The following DIS3L2 variants were observed in gnomAD, a reference collection of about 807,000 sequenced individuals.
The protein encoded by DIS3L2 is DIS3-like exonuclease 2.
DIS3L2 carries 34 observed loss-of-function variants against 97.5 expected under a neutral mutation model. That is an observed-to-expected ratio of 0.35 (90% CI 0.27 to 0.46). The LOEUF is 0.46. Among genes scored for constraint, DIS3L2 ranks in the 20% least tolerant of loss-of-function variants. The pLI is 1.00. For synonymous variants in DIS3L2, 435 were observed against 445.2 expected (o/e 0.98, Z 0.29); for missense variants, 1,038 against 1,146.0 (o/e 0.91, Z 1.36).
At chr2:232,084,266 C>T (rs935219571) in intron 5 of DIS3L2, among the ~76,000 whole-genome samples, 1 of 152,024 alleles carries the variant, frequency 6.6e-6, no homozygotes, top group Non-Finnish European at 1.5e-5. Context: ...GCTGTGTATT[C>T]CTTATCCAGA....
intron 14 of DIS3L2, among the ~76,000 whole-genome samples, chr2:232,302,553 CTTCTT>C (rs544445249): frequency 9.3e-4 from 130 of 140,008 alleles, no homozygotes; most frequent in Non-Finnish European, 1.6e-3. Flanking sequence ...TTTTCTTCTT[CTTCTT>C]TTTTTTTTTT....
chr2:232,225,462 A>T (rs962772787), intron 10 of DIS3L2, among the ~76,000 whole-genome samples: 6 of 152,238 alleles, frequency 3.9e-5, no homozygotes, highest in Non-Finnish European at 8.8e-5. Context: ...AATAAGCCAG[A>T]CAAAAAATAG....
intron 13 of DIS3L2, among the ~76,000 whole-genome samples, chr2:232,289,970 C>T (rs1350077247): frequency 6.6e-6 from 1 of 152,254 alleles, no homozygotes; most frequent in Non-Finnish European, 1.5e-5. Flanking sequence ...CCCAGGTGCA[C>T]AACCATCTCT....
chr2:232,047,537 T>G (rs1370033947), intron 5 of DIS3L2, among the ~76,000 whole-genome samples: 1 of 152,226 alleles, frequency 6.6e-6, no homozygotes, highest in African/African-American at 2.4e-5. Context: ...ATGCCAAAAA[T>G]GATTAAAATT....
At chr2:232,028,613 C>T (rs943784220) in intron 4 of DIS3L2, among the ~76,000 whole-genome samples, 4 of 152,124 alleles carry the variant, frequency 2.6e-5, no homozygotes, top group South Asian at 4.1e-4. Flanking sequence ...ATGTTTGACA[C>T]GTGAGTATGG....
rs1314814594 is a variant in DIS3L2 at position 232,336,452 on chromosome 2, G to A, written c.2497-17G>A. ...GGCCCTGCCATCCTTGTCCCCTCAC[G>A]GCTGGGCTCTGCACAGGTCATCACC... is the stretch of plus-strand genomic sequence containing the variant. On this transcript the variant is annotated splice_polypyrimidine_tract_variant and intron_variant, in intron 20 of 20. Transcript: ENST00000325385. 5.0e-6 allele frequency: 8 copies of A among 1,604,720 alleles called. No homozygotes were observed. The highest frequency in any genetic ancestry group is 3.4e-5 in the Admixed American group (2 of 59,114).
intron 4 of DIS3L2, among the ~76,000 whole-genome samples, chr2:232,025,738 A>G (rs1253946190): frequency 1.3e-5 from 2 of 152,190 alleles, no homozygotes; most frequent in Non-Finnish European, 2.9e-5. Context: ...ACATCCAGGA[A>G]TCATAAAAAC....
In DIS3L2 at chr2:232,115,101, G is replaced by A. The variant is rs116905591; in HGVS notation, c.602-15518G>A. Among the ~76,000 whole-genome samples the A allele has an allele frequency of 2.4e-4, 36 of 152,186 alleles. No homozygotes were observed. The East Asian group carries it at 6.6e-3, about 28-fold the overall frequency. ...TTAATGGATTAATCCATTCATGAGA[G>A]CAGAGCCCTCCTGATCCAATCACCT... On this transcript the variant is annotated intron_variant, in intron 6 of 20. Coordinates refer to ENST00000325385, the MANE Select transcript of DIS3L2 (RefSeq NM_152383.5).
intron 1 of DIS3L2, among the ~76,000 whole-genome samples, chr2:231,999,190 G>T (rs1693809054): frequency 6.6e-6 from 1 of 152,106 alleles, no homozygotes; most frequent in Admixed American, 6.5e-5. Context: ...ACATAAATAG[G>T]TGGATGCACT....
intron 9 of DIS3L2, among the ~76,000 whole-genome samples, chr2:232,205,161 T>C (rs1367364397): frequency 4.0e-5 from 6 of 151,540 alleles, no homozygotes; most frequent in Non-Finnish European, 7.4e-5. Context: ...AATATACATA[T>C]GTATTTAGTT....
intron 9 of DIS3L2, among the ~76,000 whole-genome samples, chr2:232,181,328 C>T (rs550614515): frequency 1.8e-4 from 27 of 152,160 alleles, no homozygotes; most frequent in African/African-American, 6.5e-4. Flanking sequence ...TTGTGGCGTT[C>T]TCTGTATTTC....
In DIS3L2 at chr2:232,276,562, C is replaced by G. The variant is rs1245690890; in HGVS notation, c.1659+13122C>G. ...CCCAGAGGCCTCGCTCAGACTTGTT[C>G]CTTTTTGGTACATGTTTCCACTCCA... On this transcript the variant is annotated intron_variant, in intron 13 of 20. Transcript: ENST00000325385. The surrounding 1 kb of genome is among the most constrained non-coding windows in gnomAD (Gnocchi z 4.4). Among the ~76,000 whole-genome samples, 3 of 152,250 alleles carry G rather than the reference C, an allele frequency of 2.0e-5. No individual in the cohort carries two copies. Among genetic ancestry groups the G allele is most frequent in the Non-Finnish European group, 2.9e-5 (2 of 68,046 alleles).
intron 1 of DIS3L2, among the ~76,000 whole-genome samples, chr2:231,976,676 T>C (rs548010322): frequency 3.3e-5 from 5 of 151,218 alleles, no homozygotes; most frequent in African/African-American, 4.9e-5. Context: ...ATACACCTAC[T>C]GAACATCATA....
At position 232,292,484 on chromosome 2, in the gene DIS3L2, C is replaced by T. The variant is rs1446917098; in HGVS notation, c.1660-7556C>T. Among the ~76,000 whole-genome samples the T allele has an allele frequency of 6.6e-6, 1 of 152,172 alleles. No individual in the cohort carries two copies. The highest frequency in any genetic ancestry group is 1.5e-5 in the Non-Finnish European group (1 of 68,026). On this transcript the variant is annotated intron_variant, in intron 13 of 20. Coordinates refer to ENST00000325385, the MANE Select transcript of DIS3L2 (RefSeq NM_152383.5). This position sits in a 1 kb window ranked among gnomAD's most constrained non-coding sequence, Gnocchi z 4.4. The stretch of plus-strand genomic sequence containing the variant: ...CCAACAACCCCAACAGGGCCTGCAT[C>T]CCATGTTCCCACAGAGTCTGGGGAA...
At chr2:232,050,555 C>T (rs1415790218) in intron 5 of DIS3L2, among the ~76,000 whole-genome samples, 2 of 152,052 alleles carry the variant, frequency 1.3e-5, no homozygotes, top group African/African-American at 2.4e-5. Flanking sequence ...GGATTACAGG[C>T]GTGAGCCACT....
chr2:232,116,188 A>G (rs934499776), intron 6 of DIS3L2, among the ~76,000 whole-genome samples: 6 of 136,264 alleles, frequency 4.4e-5, no homozygotes, highest in East Asian at 2.2e-4. Flanking sequence ...ATAAATGAAT[A>G]AATAAATAAA....
chr2:232,184,950 A>T (rs1244880641), intron 9 of DIS3L2, among the ~76,000 whole-genome samples: 1 of 152,030 alleles, frequency 6.6e-6, no homozygotes, highest in Non-Finnish European at 1.5e-5. Flanking sequence ...AATGCTGTGA[A>T]TTTTTTGTCT....
intron 6 of DIS3L2, among the ~76,000 whole-genome samples, chr2:232,129,202 C>T (rs1698154035): frequency 6.6e-6 from 1 of 152,154 alleles, no homozygotes; most frequent in Non-Finnish European, 1.5e-5. Context: ...ACTGCAGTGT[C>T]TTGATTGGTA....
At chr2:232,294,453 C>T (rs1286425790) in intron 13 of DIS3L2, among the ~76,000 whole-genome samples, 1 of 152,214 alleles carries the variant, frequency 6.6e-6, no homozygotes, top group Non-Finnish European at 1.5e-5. Context: ...CACCTACACA[C>T]CAGTAGGGAC....
Sources: gnomAD v4.1 joint callset for allele counts (sites outside exome capture counted in the v4.1 genomes callset) on GRCh38, gnomAD v4.1.1 for gene constraint, Gnocchi (gnomAD v3.1) non-coding constraint, MANE v1.5 for transcripts, NCBI Gene and HGNC (gene_info 2026-07-23, HGNC 2026-07-21) for gene names.